PICALM: variants seen among roughly 807,000 people sequenced by gnomAD.
PICALM encodes phosphatidylinositol-binding clathrin assembly protein.
Under a neutral mutation model 80.5 loss-of-function variants are expected in PICALM, and 40 were observed. The ratio of observed to expected loss-of-function variants is 0.50; its 90% CI spans 0.39 to 0.65. PICALM has a LOEUF of 0.65. Among genes scored for constraint, PICALM ranks in the 30% least tolerant of loss-of-function variants. The pLI is 0.00. For synonymous variants in PICALM, 288 were observed against 260.3 expected, an observed-to-expected ratio of 1.11 and a Z score of -1.02; for missense variants, 676 against 778.9, an observed-to-expected ratio of 0.87 and a Z score of 1.57.
At position 86,040,024 on chromosome 11, in the gene PICALM, A is replaced by T. The variant is rs1375660069; in HGVS notation, c.131-8413T>A. ...GTCTCAAAAAAAAAAAAAAAAAAAA[A>T]AAAGGCAACAAAATAAAGTTATGTT... On this transcript the variant is annotated intron_variant, in intron 1 of 19. Transcript: ENST00000393346. 1.1e-4 allele frequency among the ~76,000 whole-genome samples: 17 copies of T among 151,370 alleles called. No individual in the cohort carries two copies. In the East Asian group the frequency reaches 3.3e-3, roughly 29 times the overall value.
chr11:86,016,654 T>C (rs2095485298), intron 4 of PICALM, among the ~76,000 whole-genome samples: 1 of 152,180 alleles, frequency 6.6e-6, no homozygotes, highest in Admixed American at 6.5e-5. Context: ...TGAGTGCTGG[T>C]AAAGAAAACA....
chr11:86,024,129 C>T (rs1211824448), intron 3 of PICALM, among the ~76,000 whole-genome samples: 1 of 151,922 alleles, frequency 6.6e-6, no homozygotes, highest in Non-Finnish European at 1.5e-5. Context: ...CCCGGTCTCT[C>T]TTACTCCAGC....
intron 2 of PICALM, among the ~76,000 whole-genome samples, chr11:86,030,477 T>C (rs1434454074): frequency 6.6e-6 from 1 of 152,084 alleles, no homozygotes; most frequent in African/African-American, 2.4e-5. Flanking sequence ...CCGGGCTGCA[T>C]TTTTCTAAGG....
chr11:86,027,183 T>G (rs1185827119), intron 2 of PICALM, among the ~76,000 whole-genome samples: 1 of 152,198 alleles, frequency 6.6e-6, no homozygotes, highest in Non-Finnish European at 1.5e-5. Context: ...ATTAACAAAG[T>G]TGTATTGACA....
intron 19 of PICALM, among the ~76,000 whole-genome samples, chr11:85,965,556 A>G (rs2093847628): frequency 6.6e-6 from 1 of 152,164 alleles, no homozygotes; most frequent in African/African-American, 2.4e-5. Context: ...TAAATTATAC[A>G]GTGCTGCATT....
chr11:85,965,500 A>G (rs766785948), intron 19 of PICALM, among the ~76,000 whole-genome samples: 3 of 152,238 alleles, frequency 2.0e-5, no homozygotes, highest in Non-Finnish European at 2.9e-5. Context: ...TGTTTAAAAC[A>G]TGACCAGGCC....
intron 13 of PICALM, among the ~76,000 whole-genome samples, chr11:85,989,670 G>C (rs1442170178): frequency 6.6e-6 from 1 of 152,014 alleles, no homozygotes; most frequent in Non-Finnish European, 1.5e-5. Flanking sequence ...TCGTGTTTCT[G>C]CTTTACTATT....
intron 13 of PICALM, 39 bp downstream of exon 13, chr11:85,990,211 T>C (rs1397827624): frequency 2.3e-6 from 3 of 1,302,818 alleles, no homozygotes; most frequent in Non-Finnish European, 3.2e-6. Flanking sequence ...TTAGGCAGTA[T>C]AAACATTGAT....
chr11:86,035,869 G>C (rs1170032559), intron 1 of PICALM, among the ~76,000 whole-genome samples: 1 of 149,052 alleles, frequency 6.7e-6, no homozygotes, highest in Non-Finnish European at 1.5e-5. Flanking sequence ...AATTGCTTGA[G>C]TCTGGGAGGC....
rs192826417 is a variant in PICALM, at chr11:85,990,159, T to C, written c.1408+91A>G. 269 of 653,996 alleles carry C rather than the reference T, an allele frequency of 4.1e-4. 1 individual carries two copies. The African/African-American group carries it at 4.3e-3, about 10-fold the overall frequency. 40.5% of individuals were successfully genotyped at this position (653,996 alleles called of 1,614,324 possible). ...TTGATATTAAAATCTAAAGTAACTA[T>C]TGCAGTGCTTTTAAAATAATTAATG... On this transcript the variant is annotated intron_variant, in intron 13 of 19. Transcript: ENST00000393346.
At chr11:86,033,290 A>G (rs1333044309) in intron 1 of PICALM, among the ~76,000 whole-genome samples, 1 of 152,246 alleles carries the variant, frequency 6.6e-6, no homozygotes. Context: ...ATATATATAT[A>G]CTGTACTATG....
At chr11:85,993,192 T>A (rs1178615710) in intron 12 of PICALM, among the ~76,000 whole-genome samples, 1 of 151,032 alleles carries the variant, frequency 6.6e-6, no homozygotes, top group Non-Finnish European at 1.5e-5. Flanking sequence ...GCTCAAGCAA[T>A]CCCCCCACTT....
chr11:86,014,901 T>C lies in PICALM; in HGVS notation c.515A>G (p.Gln172Arg), dbSNP rs764258400. Reference sequence around the variant, plus strand: ...ATCAAGAAGTGCATCCATCTGATTCTGAATAATTGGTACAGTTTTTAGGAG... The same window carrying C: ...ATCAAGAAGTGCATCCATCTGATTCCGAATAATTGGTACAGTTTTTAGGAG... ...EKLLKTVPII[Q>R]NQMDALLDFN... The change falls in exon 5 of 20, where the codon CAG (glutamine) becomes CGG (arginine). Residue 172 changes from glutamine to arginine, a missense_variant. Gln to Arg is a conservative substitution (Grantham distance 43). This residue lies in a region of PICALM where 285 missense variants were observed against 395.4 expected (regional missense o/e 0.72). Transcript: ENST00000393346. The C allele has an allele frequency of 1.3e-6, 2 of 1,586,456 alleles. No individual in the cohort carries two copies. The highest frequency in any genetic ancestry group is 2.3e-5 in the South Asian group (2 of 88,762).
chr11:85,987,564 T>C (rs72959176), intron 13 of PICALM, among the ~76,000 whole-genome samples: 4,762 of 152,354 alleles, frequency 0.031, 99 homozygotes, highest in South Asian at 0.084. Context: ...AGGATTTTAG[T>C]TGATGACTAC....
chr11:86,067,979 G>A (rs886849458), intron 1 of PICALM, among the ~76,000 whole-genome samples: 2 of 152,156 alleles, frequency 1.3e-5, no homozygotes, highest in African/African-American at 4.8e-5. Flanking sequence ...CACAAAGAAG[G>A]TAATCTGAAA....
chr11:85,988,982 TCA>T (rs2094675855), intron 13 of PICALM, among the ~76,000 whole-genome samples: 1 of 152,222 alleles, frequency 6.6e-6, no homozygotes, highest in Non-Finnish European at 1.5e-5. Context: ...TCACAGACAC[TCA>T]CATATGCAGC....
At chr11:85,984,103 C>A in intron 13 of PICALM, 130 bp from the exon 14 acceptor site, 1 of 570,606 alleles carries the variant, frequency 1.8e-6, no homozygotes, top group Non-Finnish European at 3.1e-6. Flanking sequence ...ATCCTTCAAG[C>A]AAAATGTTTT....
At chr11:85,979,050 AACTGCTTTGC>A (rs911944277) in intron 17 of PICALM, among the ~76,000 whole-genome samples, 25 of 152,310 alleles carry the variant, frequency 1.6e-4, no homozygotes, top group African/African-American at 5.5e-4. Context: ...TCTGCTTTTC[AACTGCTTTGC>A]ACTTAGGGAA....
At chr11:85,984,548 C>T (rs943694925) in intron 13 of PICALM, among the ~76,000 whole-genome samples, 2 of 152,112 alleles carry the variant, frequency 1.3e-5, no homozygotes, top group African/African-American at 4.8e-5. Flanking sequence ...TATCCATATG[C>T]TTTTAAAACA....
Sources: allele counts gnomAD v4.1 joint callset (sites outside exome capture counted in the v4.1 genomes callset), GRCh38; gene constraint gnomAD v4.1.1; regional missense constraint gnomAD v4.1.1; transcripts MANE v1.5; gene names NCBI Gene and HGNC (gene_info 2026-07-23, HGNC 2026-07-21).